Variants in CYP20A1 observed in about 807,000 individuals in gnomAD.
The protein encoded by CYP20A1 is cytochrome P450 20A1.
Under a neutral mutation model 61.4 loss-of-function variants are expected in CYP20A1, and 61 were observed. The observed-to-expected ratio is 0.99, with a 90% confidence interval of 0.81 to 1.23. The LOEUF (loss-of-function observed/expected upper bound fraction) is 1.23, where lower values mean the gene tolerates loss of function less well. Among genes scored for constraint, CYP20A1 ranks in the 50% most tolerant of loss-of-function variants. The pLI is 0.00. For missense variants in CYP20A1, 530 were observed against 542.4 expected, an observed-to-expected ratio of 0.98 and a Z score of 0.23; for synonymous variants, 193 against 188.2, an observed-to-expected ratio of 1.03 and a Z score of -0.21.
chr2:203,246,675 GTTAA>G (rs10586509), intron 2 of CYP20A1, 76 bp from the exon 3 acceptor site: 1,351,348 of 1,418,216 alleles, frequency 0.95, 644,809 homozygotes, highest in Non-Finnish European at 0.96. Flanking sequence ...TATTGATACA[GTTAA>G]TTCAGAGTCA....
chr2:203,271,171 T>C (rs1469903606), intron 5 of CYP20A1, among the ~76,000 whole-genome samples: 1 of 137,446 alleles, frequency 7.3e-6, no homozygotes, highest in Non-Finnish European at 1.5e-5. Flanking sequence ...AACTGCAAGC[T>C]CCGCCTCCCG....
chr2:203,268,853 T>C (rs907975089), intron 5 of CYP20A1, among the ~76,000 whole-genome samples: 16 of 152,138 alleles, frequency 1.1e-4, no homozygotes, highest in African/African-American at 3.9e-4. Flanking sequence ...TACCAAGGGA[T>C]GGCCATTGTC....
intron 1 of CYP20A1, among the ~76,000 whole-genome samples, chr2:203,241,826 G>A (rs1420298364): frequency 6.6e-6 from 1 of 151,996 alleles, no homozygotes; most frequent in African/African-American, 2.4e-5. Flanking sequence ...CACCACACCT[G>A]GCTAATTTTT....
At chr2:203,264,539 T>G (rs1292231362) in intron 4 of CYP20A1, among the ~76,000 whole-genome samples, 1 of 152,116 alleles carries the variant, frequency 6.6e-6, no homozygotes, top group Non-Finnish European at 1.5e-5. Context: ...TTGGAGGATT[T>G]CTCCTGGGAC....
chr2:203,254,809 T>G (rs1300389713), intron 4 of CYP20A1, among the ~76,000 whole-genome samples: 2 of 151,944 alleles, frequency 1.3e-5, no homozygotes, highest in Non-Finnish European at 2.9e-5. Context: ...GCCACCATGG[T>G]GAAAGTCCAT....
At chr2:203,277,587 C>T (rs1311091268) in intron 6 of CYP20A1, among the ~76,000 whole-genome samples, 1 of 151,880 alleles carries the variant, frequency 6.6e-6, no homozygotes, top group Non-Finnish European at 1.5e-5. Context: ...ACAATCTTGG[C>T]TCACTGCAAC....
At chr2:203,276,904 G>A (rs2067843926) in intron 6 of CYP20A1, among the ~76,000 whole-genome samples, 1 of 152,150 alleles carries the variant, frequency 6.6e-6, no homozygotes, top group Non-Finnish European at 1.5e-5. Flanking sequence ...AAAAAGGAAA[G>A]AGGTCCCAAA....
In CYP20A1 at chr2:203,303,889, A is replaced by C. The variant is rs2069118915; in HGVS notation, c.*6981A>C. 6.6e-6 allele frequency among the ~76,000 whole-genome samples: 1 copy of C among 151,188 alleles called. No individual in the cohort carries two copies. Among genetic ancestry groups the C allele is most frequent in the African/African-American group, 2.4e-5 (1 of 41,146 alleles). ...AAGACTGTCTCAAAAAAAAAAAAAAAAAAAACTTATTGAGAGAATAATATA... is the reference window on the plus strand; with the variant it reads ...AAGACTGTCTCAAAAAAAAAAAAAACAAAAACTTATTGAGAGAATAATATA... On this transcript the variant is annotated 3_prime_UTR_variant, in exon 13 of 13. Transcript: ENST00000356079.
intron 3 of CYP20A1, among the ~76,000 whole-genome samples, chr2:203,249,041 C>A (rs1409262092): frequency 6.6e-6 from 1 of 152,062 alleles, no homozygotes; most frequent in East Asian, 1.9e-4. Flanking sequence ...AAAATAAATT[C>A]TAGATGATTA....
chr2:203,285,735 A>G lies in CYP20A1; in HGVS notation c.971+3A>G, dbSNP rs2068238912. The G allele has an allele frequency of 1.3e-6, 2 of 1,570,712 alleles. No homozygotes were observed. The highest frequency in any genetic ancestry group is 1.7e-6 in the Non-Finnish European group (2 of 1,168,520). On this transcript the variant is annotated splice_donor_region_variant and intron_variant, in intron 9 of 12. Transcript: ENST00000356079. ...CCAGAGAAAATTGAGCAGCTCAGGTAAGAACACAATAAAAAGAGGAGATTA... is the reference window on the plus strand; with the variant it reads ...CCAGAGAAAATTGAGCAGCTCAGGTGAGAACACAATAAAAAGAGGAGATTA...
intron 8 of CYP20A1, among the ~76,000 whole-genome samples, chr2:203,284,714 C>G (rs1401230774): frequency 6.7e-6 from 1 of 149,938 alleles, no homozygotes; most frequent in Non-Finnish European, 1.5e-5. Flanking sequence ...AGCCATCTCC[C>G]AGGTGGTTTT....
chr2:203,288,981 G>T (rs570213464), intron 9 of CYP20A1, among the ~76,000 whole-genome samples: 27 of 152,144 alleles, frequency 1.8e-4, no homozygotes, highest in African/African-American at 5.1e-4. Flanking sequence ...TTTTATTCTC[G>T]TTGTGATGTA....
Position 203,303,697 on chromosome 2 carries a change from CAAGAAAAAAGAAAAA to C in CYP20A1, c.*6798_*6812del, listed in dbSNP as rs2069111694. 6.7e-6 allele frequency among the ~76,000 whole-genome samples: 1 copy of C among 149,942 alleles called. No individual in the cohort carries two copies. The highest frequency in any genetic ancestry group is 2.5e-5 in the African/African-American group (1 of 40,750). ...GTGACGAGCGAAAATCCGTCTCAAC[CAAGAAAAAAGAAAAA>C]AAGAAAAAGAAAACTTAACTGGCCT... On this transcript the variant is annotated 3_prime_UTR_variant, in exon 13 of 13. Transcript: ENST00000356079.
In CYP20A1 at chr2:203,301,180, G is replaced by A. The variant is rs2069005732; in HGVS notation, c.*4272G>A. ...CATTGCACTCCAGCCTGGGCAAGAAGAGTGAAACTCTATCCAAAAAAAAAA... is the reference window on the plus strand; with the variant it reads ...CATTGCACTCCAGCCTGGGCAAGAAAAGTGAAACTCTATCCAAAAAAAAAA... On this transcript the variant is annotated 3_prime_UTR_variant, in exon 13 of 13. Transcript: ENST00000356079. Among the ~76,000 whole-genome samples, 1 of 138,760 alleles carries A rather than the reference G, an allele frequency of 7.2e-6. No individual in the cohort carries two copies. The allele number at this position is 138,760 out of a possible 152,430, so 91.0% of individuals were successfully genotyped here. A position where few individuals can be genotyped will look rare whatever the true frequency, so the allele number is the denominator to read the frequency against.
intron 5 of CYP20A1, among the ~76,000 whole-genome samples, chr2:203,271,376 C>A (rs1053198500): frequency 4.0e-5 from 6 of 151,864 alleles, no homozygotes; most frequent in African/African-American, 1.2e-4. Flanking sequence ...GCTTGAGCCA[C>A]CGCACCTGGC....
In CYP20A1 at chr2:203,269,394, C is replaced by T. The variant is rs113480622; in HGVS notation, c.600+2713C>T. Reference sequence around the variant, plus strand: ...CTTGAGCCCAGGAGGATCACACCACCGCACTCCAGCCTGGATGATAGAGTG... The same window carrying T: ...CTTGAGCCCAGGAGGATCACACCACTGCACTCCAGCCTGGATGATAGAGTG... On this transcript the variant is annotated intron_variant, in intron 5 of 12. Coordinates refer to ENST00000356079, the MANE Select transcript of CYP20A1 (RefSeq NM_177538.3). 7.9e-4 allele frequency among the ~76,000 whole-genome samples: 119 copies of T among 151,392 alleles called. 2 individuals are homozygous for T. Among genetic ancestry groups the T allele is most frequent in the Middle Eastern group, 3.4e-3 (1 of 294 alleles).
rs1416597364 is a variant in CYP20A1, at chr2:203,299,905, G to C, written c.*2997G>C. Among the ~76,000 whole-genome samples the C allele has an allele frequency of 1.3e-5, 2 of 152,128 alleles. No individual in the cohort carries two copies. Among genetic ancestry groups the C allele is most frequent in the Non-Finnish European group, 2.9e-5 (2 of 68,020 alleles). ...AAAAAGAAAAATTCTAAAACTTTAA[G>C]TGAAATTTATTATCCCTTCCCACTT... is the stretch of plus-strand genomic sequence containing the variant. On this transcript the variant is annotated 3_prime_UTR_variant, in exon 13 of 13. Coordinates refer to ENST00000356079, the MANE Select transcript of CYP20A1 (RefSeq NM_177538.3).
intron 4 of CYP20A1, among the ~76,000 whole-genome samples, chr2:203,252,374 G>GTATA (rs34080677): frequency 4.7e-5 from 7 of 149,530 alleles, no homozygotes; most frequent in African/African-American, 1.5e-4. Flanking sequence ...GTATGTATGT[G>GTATA]TATATATATA....
At chr2:203,290,245 G>A (rs1481847744) in intron 10 of CYP20A1, among the ~76,000 whole-genome samples, 1 of 152,052 alleles carries the variant, frequency 6.6e-6, no homozygotes, top group Admixed American at 6.6e-5. Flanking sequence ...CCAGCCTGGT[G>A]TGTATTTTAA....
Sources: gnomAD v4.1 joint callset for allele counts (sites outside exome capture counted in the v4.1 genomes callset) on GRCh38, gnomAD v4.1.1 for gene constraint, MANE v1.5 for transcripts, NCBI Gene and HGNC (gene_info 2026-07-23, HGNC 2026-07-21) for gene names.